Variants in DAB2 observed in about 807,000 individuals in gnomAD.
The protein encoded by DAB2 is DAB adaptor protein 2.
In DAB2, 28 loss-of-function variants were observed where a neutral mutation model predicts 71.6. The observed-to-expected ratio is 0.39, with a 90% CI of 0.29 to 0.54. The LOEUF is 0.54. DAB2 is among the 20% of genes least tolerant of loss of function. The pLI is 0.68. For synonymous variants in DAB2, 345 were observed against 339.7 expected (o/e 1.02, Z -0.17); for missense variants, 867 against 928.8 (o/e 0.93, Z 0.86).
chr5:39,389,226 AAGT>A, intron 6 of DAB2, 103 bp from the exon 7 acceptor site: 1 of 846,344 alleles, frequency 1.2e-6, no homozygotes, highest in East Asian at 2.5e-5. Flanking sequence ...AGGCAAGAAT[AAGT>A]CTTGTATATT....
At position 39,389,143 on chromosome 5, in the gene DAB2, T is replaced by C; in HGVS notation, c.544-20A>G. 1.3e-6 allele frequency: 2 copies of C among 1,597,574 alleles called. No individual in the cohort carries two copies. Among genetic ancestry groups the C allele is most frequent in the Non-Finnish European group, 1.7e-6 (2 of 1,166,214 alleles). ...CTCTATCTAAAAAGAAAGATACATA[T>C]TCAGTGATCTTCATATTCATAGTGA... On this transcript the variant is annotated intron_variant, in intron 6 of 14. Coordinates refer to ENST00000320816, the MANE Select transcript of DAB2 (RefSeq NM_001343.4).
intron 14 of DAB2, 49 bp downstream of exon 14, chr5:39,374,965 C>A (rs1754786279): frequency 8.5e-7 from 1 of 1,181,364 alleles, no homozygotes; most frequent in Non-Finnish European, 1.3e-6. Flanking sequence ...CCATGTCACC[C>A]TTTCTCACAA....
chr5:39,424,470 TACACACACACACACAC>T lies in DAB2; in HGVS notation c.-102+318_-102+333del, dbSNP rs56974213. Reference sequence around the variant, plus strand: ...CTAGGAGGGCTGCCCGCAGACCTTTTACACACACACACACACACACACACACACACACACACACACA... The same window carrying T: ...CTAGGAGGGCTGCCCGCAGACCTTTTACACACACACACACACACACACACA... On this transcript the variant is annotated intron_variant, in intron 1 of 14. Transcript: ENST00000320816. Among the ~76,000 whole-genome samples the T allele has an allele frequency of 8.9e-3, 1,195 of 134,552 alleles. 24 individuals carry two copies. Among genetic ancestry groups the T allele is most frequent in the African/African-American group, 0.024 (874 of 35,954 alleles). The allele number at this position is 134,552 out of a possible 152,430, so 88.3% of individuals were successfully genotyped here. A position where few individuals can be genotyped will look rare whatever the true frequency, so the allele number is the denominator to read the frequency against.
rs900450462 is a variant in DAB2 at position 39,424,937 on chromosome 5, C to G, written c.-235G>C. 9 of 152,460 alleles carry G rather than the reference C, an allele frequency of 5.9e-5. No homozygotes were observed. The highest frequency in any genetic ancestry group is 5.2e-4 in the Admixed American group (8 of 15,276). The allele number at this position is 152,460 out of a possible 1,614,324, so 9.4% of individuals were successfully genotyped here. A position where few individuals can be genotyped will look rare whatever the true frequency, so the allele number is the denominator to read the frequency against. ...AGCTTCGGAGCCGCGCGGCCACTCC[C>G]GGCGAGAGATATGGTTCTAATCAGA... On this transcript the variant is annotated 5_prime_UTR_variant, in exon 1 of 15. Coordinates refer to ENST00000320816, the MANE Select transcript of DAB2 (RefSeq NM_001343.4).
intron 1 of DAB2, among the ~76,000 whole-genome samples, chr5:39,420,055 G>A (rs1424440022): frequency 6.6e-6 from 1 of 152,188 alleles, no homozygotes; most frequent in Non-Finnish European, 1.5e-5. Context: ...AGATACAGCT[G>A]GATGGGCCCT....
Position 39,382,798 on chromosome 5 carries a change from G to A in DAB2, c.1161C>T (p.Asn387=), listed in dbSNP as rs201767065. 3.0e-5 allele frequency: 48 copies of A among 1,614,166 alleles called. No homozygotes were observed. Among genetic ancestry groups the A allele is most frequent in the Middle Eastern group, 3.3e-4 (2 of 6,062 alleles). Residue 387 remains asparagine, a synonymous_variant, in exon 10 of 15, where the codon AAC becomes AAT. Transcript: ENST00000320816. ...TQNGVSEREQ[N]GFSVKSSPNP... ...TCGGGGAGGATTTGACAGAGAAGCC[G>A]TTCTGTTCTCTTTCAGATACCCCAT...
intron 1 of DAB2, among the ~76,000 whole-genome samples, chr5:39,412,920 G>T (rs533185998): frequency 6.6e-6 from 1 of 152,306 alleles, no homozygotes; most frequent in South Asian, 2.1e-4. Flanking sequence ...TCAGGAAAGA[G>T]GAACTAATAG....
chr5:39,382,565 C>A, intron 10 of DAB2, 53 bp downstream of exon 10: 1 of 1,536,014 alleles, frequency 6.5e-7, no homozygotes, highest in Non-Finnish European at 8.9e-7. Context: ...TCACACCACC[C>A]TTTGGTACCG....
At chr5:39,394,179 G>A in intron 2 of DAB2, 51 bp downstream of exon 2, 1 of 1,415,454 alleles carries the variant, frequency 7.1e-7, no homozygotes, top group Non-Finnish European at 1.0e-6. Flanking sequence ...ATTTCTCCAG[G>A]GGTAACCATC....
At chr5:39,414,288 C>T (rs115061246) in intron 1 of DAB2, among the ~76,000 whole-genome samples, 1 of 152,020 alleles carries the variant, frequency 6.6e-6, no homozygotes, top group Non-Finnish European at 1.5e-5. Context: ...AGAAACAAAA[C>T]AAAACAAGAT....
chr5:39,404,061 A>G (rs2548571), intron 1 of DAB2, among the ~76,000 whole-genome samples: 1 of 152,034 alleles, frequency 6.6e-6, no homozygotes, highest in African/African-American at 2.4e-5. Flanking sequence ...AGTCTCTGCT[A>G]TTGTGAATAG....
chr5:39,401,905 A>G (rs889640083), intron 1 of DAB2, among the ~76,000 whole-genome samples: 3 of 151,978 alleles, frequency 2.0e-5, no homozygotes, highest in Non-Finnish European at 4.4e-5. Context: ...GGCGCCTGCC[A>G]TCATGCCTGG....
intron 1 of DAB2, among the ~76,000 whole-genome samples, chr5:39,397,989 G>A (rs903357402): frequency 6.6e-6 from 1 of 152,192 alleles, no homozygotes; most frequent in African/African-American, 2.4e-5. Flanking sequence ...CAATGCATGT[G>A]TTGATAGCAG....
Position 39,377,009 on chromosome 5 carries a change from G to T in DAB2, c.1778C>A (p.Pro593His). ...AGCTGGAAAAATATTGCTCTGAAAAGGATTCCCCAAAGGGCTTGTTGTTGA... is the reference window on the plus strand; with the variant it reads ...AGCTGGAAAAATATTGCTCTGAAAATGATTCCCCAAAGGGCTTGTTGTTGA... ...AWSTTSPLGN[P>H]FQSNIFPAPA... Residue 593 changes from proline to histidine, a missense_variant, in exon 12 of 15, where the codon CCT (proline) becomes CAT (histidine). Coordinates refer to ENST00000320816, the MANE Select transcript of DAB2 (RefSeq NM_001343.4). 6.2e-7 allele frequency: 1 copy of T among 1,614,074 alleles called. No homozygotes were observed. The highest frequency in any genetic ancestry group is 8.5e-7 in the Non-Finnish European group (1 of 1,180,024).
At chr5:39,397,354 AC>A (rs1755390686) in intron 1 of DAB2, among the ~76,000 whole-genome samples, 1 of 151,214 alleles carries the variant, frequency 6.6e-6, no homozygotes, top group African/African-American at 2.4e-5. Context: ...GCACCATGAG[AC>A]CCCCTCCTGC....
At chr5:39,403,030 G>A (rs1351155518) in intron 1 of DAB2, among the ~76,000 whole-genome samples, 1 of 152,058 alleles carries the variant, frequency 6.6e-6, no homozygotes, top group Admixed American at 6.6e-5. Flanking sequence ...ACAGTCTCTG[G>A]GCATAGAGAC....
In DAB2 at chr5:39,393,315, A is replaced by T; in HGVS notation, c.170T>A (p.Ile57Asn). The T allele has an allele frequency of 6.2e-7, 1 of 1,613,958 alleles. No homozygotes were observed. Among genetic ancestry groups the T allele is most frequent in the African/African-American group, 1.3e-5 (1 of 75,042 alleles). The change falls in exon 3 of 15, where the codon ATT (isoleucine) becomes AAT (asparagine). Residue 57 changes from isoleucine (I) to asparagine (N), a missense_variant. Ile to Asn is a moderately radical substitution (Grantham distance 149). Coordinates refer to ENST00000320816, the MANE Select transcript of DAB2 (RefSeq NM_001343.4). ...GVKYKAKLIG[I>N]DDVPDARGDK... Reference sequence around the variant, plus strand: ...CCCTCTTGCATCTGGCACATCATCAATGCCAATCAGCTTGGCCTTATATTT... The same window carrying T: ...CCCTCTTGCATCTGGCACATCATCATTGCCAATCAGCTTGGCCTTATATTT...
At chr5:39,419,236 C>T (rs1214011089) in intron 1 of DAB2, among the ~76,000 whole-genome samples, 4 of 152,200 alleles carry the variant, frequency 2.6e-5, no homozygotes, top group African/African-American at 9.7e-5. Flanking sequence ...ACTCTCTATC[C>T]TATGTCCTTT....
Position 39,389,041 on chromosome 5 carries a change from CAG to C in DAB2, c.570+54_570+55del, listed in dbSNP as rs940910222. 41 of 1,563,952 alleles carry C rather than the reference CAG, an allele frequency of 2.6e-5. No individual in the cohort carries two copies. In the Admixed American group the frequency reaches 4.9e-4, roughly 19 times the overall value. On this transcript the variant is annotated intron_variant, in intron 7 of 14. Coordinates refer to ENST00000320816, the MANE Select transcript of DAB2 (RefSeq NM_001343.4). ...CGAGAGTGGTTGGGCAGGTAGAAAACAGGGGCTTACGCATGTCACACACATGA... is the reference window on the plus strand; with the variant it reads ...CGAGAGTGGTTGGGCAGGTAGAAAACGGGCTTACGCATGTCACACACATGA...
Sources: gnomAD v4.1 joint callset for allele counts (sites outside exome capture counted in the v4.1 genomes callset) on GRCh38, gnomAD v4.1.1 for gene constraint, MANE v1.5 for transcripts, NCBI Gene and HGNC (gene_info 2026-07-23, HGNC 2026-07-21) for gene names.